INVS: variants seen among roughly 807,000 people sequenced by gnomAD.
INVS encodes the protein inversion of embryo turning homolog.
In INVS, 86 loss-of-function variants were observed where a neutral mutation model predicts 108.8. That is an observed-to-expected ratio of 0.79 (90% CI 0.66 to 0.95). The LOEUF (loss-of-function observed/expected upper bound fraction) is 0.95. Ranked by LOEUF, INVS falls within the 40% of genes least tolerant of loss-of-function variation. The probability of loss-of-function intolerance (pLI) is 0.00; values close to 1 mark genes in which losing one functional copy is unlikely to be tolerated. For synonymous variants in INVS, 455 were observed against 473.5 expected (o/e 0.96, Z 0.51); for missense variants, 1,169 against 1,297.4 (o/e 0.90, Z 1.52).
chr9:100,265,865 T>A (rs1045975545), intron 11 of INVS, among the ~76,000 whole-genome samples: 1 of 152,148 alleles, frequency 6.6e-6, no homozygotes, highest in Non-Finnish European at 1.5e-5. Flanking sequence ...TCAACTGAGG[T>A]CAGGAGTTCG....
intron 12 of INVS, among the ~76,000 whole-genome samples, chr9:100,281,010 G>T (rs572990172): frequency 6.6e-6 from 1 of 152,162 alleles, no homozygotes; most frequent in Non-Finnish European, 1.5e-5. Context: ...AGGTGACAGA[G>T]TGAGACCCTG....
intron 7 of INVS, among the ~76,000 whole-genome samples, chr9:100,244,086 C>G (rs564953265): frequency 6.6e-6 from 1 of 152,244 alleles, no homozygotes; most frequent in South Asian, 2.1e-4. Flanking sequence ...TCCAAATGCT[C>G]TATTAAATAC....
chr9:100,112,141 T>C (rs1233000920), intron 2 of INVS, among the ~76,000 whole-genome samples: 1 of 152,060 alleles, frequency 6.6e-6, no homozygotes, highest in African/African-American at 2.4e-5. Context: ...TCAGCTAATT[T>C]TTGTATTTTT....
chr9:100,170,524 C>T (rs1169866314), intron 3 of INVS, among the ~76,000 whole-genome samples: 1 of 151,756 alleles, frequency 6.6e-6, no homozygotes, highest in East Asian at 1.9e-4. Flanking sequence ...GTAATCACAC[C>T]ACTGCCCTCC....
intron 3 of INVS, among the ~76,000 whole-genome samples, chr9:100,164,900 T>C (rs976083589): frequency 1.3e-5 from 2 of 151,050 alleles, no homozygotes; most frequent in Admixed American, 6.6e-5. Context: ...CTTTTTCTTT[T>C]TTTTTTTTTT....
At chr9:100,240,834 G>A (rs550477157) in intron 6 of INVS, among the ~76,000 whole-genome samples, 14 of 151,688 alleles carry the variant, frequency 9.2e-5, no homozygotes, top group South Asian at 4.2e-4. Flanking sequence ...TCAGCTTAAC[G>A]TTTTGTTTTG....
chr9:100,179,161 C>CA (rs1829805572), intron 3 of INVS, among the ~76,000 whole-genome samples: 8 of 152,272 alleles, frequency 5.3e-5, no homozygotes, highest in African/African-American at 1.9e-4. Flanking sequence ...AAAGGAAAAA[C>CA]TGGTTGCAGC....
intron 8 of INVS, among the ~76,000 whole-genome samples, chr9:100,247,672 TAAA>T (rs10559514): frequency 0.51 from 77,044 of 151,558 alleles, 20,742 homozygotes; most frequent in African/African-American, 0.64. Flanking sequence ...TTGCTTTACT[TAAA>T]AAAATCTCCC....
intron 10 of INVS, among the ~76,000 whole-genome samples, chr9:100,257,681 G>A (rs1832465387): frequency 6.6e-6 from 1 of 152,166 alleles, no homozygotes; most frequent in Admixed American, 6.5e-5. Context: ...TAGTTTGGCT[G>A]GATATGAAGT....
Position 100,099,295 on chromosome 9 carries a change from C to A in INVS, c.-146C>A, listed in dbSNP as rs1425866253. On this transcript the variant is annotated 5_prime_UTR_variant, in exon 1 of 17. Transcript: ENST00000262457. ...GCGGCCTTTTGAGGGGCTCGGCTAGCTTCAGCGCCGTGGGGTCTGACCTGG... is the reference window on the plus strand; with the variant it reads ...GCGGCCTTTTGAGGGGCTCGGCTAGATTCAGCGCCGTGGGGTCTGACCTGG... The A allele has an allele frequency of 1.9e-5, 3 of 159,628 alleles. No homozygotes were observed. The South Asian group carries it at 4.2e-4, about 23-fold the overall frequency. 9.9% of individuals were successfully genotyped at this position (159,628 alleles called of 1,614,324 possible). A position where few individuals can be genotyped will look rare whatever the true frequency, so the allele number is the denominator to read the frequency against.
intron 3 of INVS, among the ~76,000 whole-genome samples, chr9:100,200,540 G>A (rs1385449258): frequency 6.6e-6 from 1 of 152,066 alleles, no homozygotes; most frequent in Non-Finnish European, 1.5e-5. Context: ...CCACAGTCCT[G>A]GTACATAGTC....
intron 5 of INVS, among the ~76,000 whole-genome samples, chr9:100,232,469 C>T (rs1259505621): frequency 6.6e-6 from 1 of 152,046 alleles, no homozygotes; most frequent in African/African-American, 2.4e-5. Flanking sequence ...TTTCTTCTAG[C>T]ATTTTTATGA....
rs10989021 is a variant in INVS, at chr9:100,218,087, G to A, written c.274-7975G>A. Among the ~76,000 whole-genome samples the A allele has an allele frequency of 6.7e-3, 1,019 of 151,720 alleles. 4 individuals carry two copies. The highest frequency in any genetic ancestry group is 0.011 in the Non-Finnish European group (774 of 67,898). On this transcript the variant is annotated intron_variant, in intron 3 of 16. Coordinates refer to ENST00000262457, the MANE Select transcript of INVS (RefSeq NM_014425.5). ...TATTTTGGGTATATAATATATTTAG[G>A]ATTTAAAATGAACTATGACAGAGTA...
chr9:100,181,466 A>G (rs181440321), intron 3 of INVS, among the ~76,000 whole-genome samples: 243 of 152,314 alleles, frequency 1.6e-3, no homozygotes, highest in African/African-American at 5.6e-3. Context: ...GCATTCCTAT[A>G]CACCAATAAT....
intron 10 of INVS, among the ~76,000 whole-genome samples, chr9:100,255,382 T>C (rs895268055): frequency 2.0e-5 from 3 of 152,334 alleles, no homozygotes; most frequent in Admixed American, 2.0e-4. Flanking sequence ...TGACTTCCTC[T>C]TTTCCTAATT....
chr9:100,216,452 G>A (rs7867381), intron 3 of INVS, among the ~76,000 whole-genome samples: 2,069 of 152,250 alleles, frequency 0.014, 36 homozygotes, highest in African/African-American at 0.048. Context: ...GGACCATTAA[G>A]CCAGCAGCTT....
chr9:100,273,510 T>C (rs1028916062), intron 12 of INVS, among the ~76,000 whole-genome samples: 1 of 151,688 alleles, frequency 6.6e-6, no homozygotes, highest in Non-Finnish European at 1.5e-5. Flanking sequence ...CAACTTGGTT[T>C]TTTTTTCCAC....
chr9:100,175,945 T>G (rs570541155), intron 3 of INVS: 2 of 574,972 alleles, frequency 3.5e-6, no homozygotes, highest in African/African-American at 3.7e-5. Flanking sequence ...CCTTGGAAAC[T>G]GCTGAAGAAA....
At chr9:100,299,675 CACACA>C (rs1564196721) in intron 16 of INVS, among the ~76,000 whole-genome samples, 1 of 104,614 alleles carries the variant, frequency 9.6e-6, no homozygotes. Context: ...CACACACACA[CACACA>C]CCTGGGCCTA....
Sources: gnomAD v4.1 joint callset for allele counts (sites outside exome capture counted in the v4.1 genomes callset) on GRCh38, gnomAD v4.1.1 for gene constraint, MANE v1.5 for transcripts, NCBI Gene and HGNC (gene_info 2026-07-23, HGNC 2026-07-21) for gene names.